Variants in MS4A8 observed in about 807,000 individuals in gnomAD.
MS4A8 encodes membrane spanning 4-domains A8, also known as membrane-spanning 4-domains subfamily A member 8.
Under a neutral mutation model 23.7 loss-of-function variants are expected in MS4A8, and 27 were observed. That is an observed-to-expected ratio of 1.14 (90% confidence interval 0.84 to 1.57). The LOEUF is 1.57. Ranked by LOEUF, MS4A8 falls within the 40% of genes most tolerant of loss-of-function variation. MS4A8 has a pLI of 0.00. For synonymous variants in MS4A8, 138 were observed against 126.3 expected (o/e 1.09, Z -0.62); for missense variants, 301 against 311.4 (o/e 0.97, Z 0.25).
intron 2 of MS4A8, chr11:60,701,646 T>C (rs2088205521): frequency 1.0e-5 from 2 of 192,588 alleles, no homozygotes; most frequent in African/African-American, 2.3e-5. Flanking sequence ...GGAACAAAAA[T>C]TGATACAACC....
In MS4A8 at chr11:60,700,845, T is replaced by C; in HGVS notation, c.-1-15T>C. ...ATATGTGAGGGAAAATTCTCTCGCA[T>C]TTATTTCTTGGCAGCATGAATTCGA... On this transcript the variant is annotated splice_polypyrimidine_tract_variant and intron_variant, in intron 1 of 6. Transcript: ENST00000300226. 3 of 1,613,988 alleles carry C rather than the reference T, an allele frequency of 1.9e-6. No individual in the cohort carries two copies. The highest frequency in any genetic ancestry group is 2.5e-6 in the Non-Finnish European group (3 of 1,179,822).
Position 60,700,982 on chromosome 11 carries a change from C to T in MS4A8, c.122C>T (p.Pro41Leu), listed in dbSNP as rs143047257. Residue 41 changes from proline to leucine, a missense_variant, in exon 2 of 7, where the codon CCG (proline) becomes CTG (leucine). Physicochemically the swap from Pro to Leu is moderately conservative, Grantham distance 98. Transcript: ENST00000300226. ...SHVPLYPNSQ[P>L]QVHLVPGNPP... ...GTGCCCCTGTATCCAAACAGCCAGC[C>T]GCAAGTCCACCTAGTTCCTGGGAAC... The T allele has an allele frequency of 5.3e-5, 86 of 1,614,072 alleles. No homozygotes were observed. In the African/African-American group the frequency reaches 7.2e-4, roughly 14 times the overall value.
At chr11:60,714,146 G>A (rs932250816) in intron 5 of MS4A8, among the ~76,000 whole-genome samples, 5 of 145,988 alleles carry the variant, frequency 3.4e-5, no homozygotes, top group East Asian at 2.0e-4. Context: ...GGATGGTCTC[G>A]ATCTCCTGAC....
intron 5 of MS4A8, chr11:60,709,063 A>T: frequency 2.8e-6 from 1 of 361,052 alleles, no homozygotes. Context: ...ACCAACCAGC[A>T]CCTCTCCTCA....
At chr11:60,710,583 T>A (rs966670298) in intron 5 of MS4A8, among the ~76,000 whole-genome samples, 25 of 152,172 alleles carry the variant, frequency 1.6e-4, no homozygotes, top group African/African-American at 6.0e-4. Context: ...ATCTCTCATC[T>A]AATCATGGAA....
At chr11:60,714,219 C>A (rs866644563) in intron 5 of MS4A8, among the ~76,000 whole-genome samples, 1 of 140,928 alleles carries the variant, frequency 7.1e-6, no homozygotes, top group Non-Finnish European at 1.5e-5. Flanking sequence ...CCACCGCGCC[C>A]GGCCGGTGAT....
intron 5 of MS4A8, among the ~76,000 whole-genome samples, chr11:60,713,024 G>A (rs928832194): frequency 1.6e-4 from 25 of 152,192 alleles, no homozygotes; most frequent in African/African-American, 4.6e-4. Context: ...TATTTCTCCC[G>A]GTTACCTCCT....
At position 60,703,440 on chromosome 11, in the gene MS4A8, CG is replaced by C; in HGVS notation, c.283del (p.Val95Ter). On this transcript the variant is annotated frameshift_variant, in exon 3 of 7. Coordinates refer to ENST00000300226, the MANE Select transcript of MS4A8 (RefSeq NM_031457.2). LOFTEE classifies it high-confidence loss of function. ...TCGGCTCCATCATGGCGACGGTTCT[CG>C]TAGGGGAATACCTGTCTATTTCATT... ...GLGSIMATVL[V>X]GEYLSISFYG... 1 of 1,607,548 alleles carries C rather than the reference CG, an allele frequency of 6.2e-7. No individual in the cohort carries two copies. Among genetic ancestry groups the C allele is most frequent in the Non-Finnish European group, 8.5e-7 (1 of 1,177,332 alleles).
At chr11:60,714,686 C>G (rs1019708218) in intron 5 of MS4A8, among the ~76,000 whole-genome samples, 1 of 152,116 alleles carries the variant, frequency 6.6e-6, no homozygotes, top group Non-Finnish European at 1.5e-5. Context: ...CCAATTCCTA[C>G]CGACGGCCTC....
chr11:60,712,260 T>C (rs1455082357), intron 5 of MS4A8: 3 of 917,496 alleles, frequency 3.3e-6, no homozygotes, highest in Non-Finnish European at 3.9e-6. Flanking sequence ...GGATACCTTT[T>C]TGCTGTTCTG....
At chr11:60,715,248 C>A in intron 6 of MS4A8, 62 bp from the exon 7 acceptor site, 1 of 1,531,860 alleles carries the variant, frequency 6.5e-7, no homozygotes, top group Non-Finnish European at 9.0e-7. Flanking sequence ...CCTCGGTGTC[C>A]GAGGCCTTTG....
At chr11:60,707,538 C>T (rs749402674) in intron 4 of MS4A8, among the ~76,000 whole-genome samples, 1 of 152,204 alleles carries the variant, frequency 6.6e-6, no homozygotes, top group Non-Finnish European at 1.5e-5. Flanking sequence ...GCTTTGTGCT[C>T]CCCTAGCAAC....
chr11:60,702,562 C>T (rs1244243972), intron 2 of MS4A8, among the ~76,000 whole-genome samples: 2 of 152,144 alleles, frequency 1.3e-5, no homozygotes, highest in African/African-American at 2.4e-5. Context: ...ACCATCATGC[C>T]GAGCTAGTTT....
intron 2 of MS4A8, chr11:60,701,450 T>C: frequency 2.6e-6 from 1 of 384,312 alleles, no homozygotes. Flanking sequence ...GAATCAAATA[T>C]TTGCCCAACA....
chr11:60,715,729 G>A lies in MS4A8; in HGVS notation c.*315G>A. ...GTGCTCTGCTGCATGTGAGCTTGTGGGTTAGAGGAACAAATATCTAGACAT... is the reference window on the plus strand; with the variant it reads ...GTGCTCTGCTGCATGTGAGCTTGTGAGTTAGAGGAACAAATATCTAGACAT... On this transcript the variant is annotated 3_prime_UTR_variant, in exon 7 of 7. Coordinates refer to ENST00000300226, the MANE Select transcript of MS4A8 (RefSeq NM_031457.2). The A allele has an allele frequency of 2.9e-6, 1 of 341,898 alleles. No individual in the cohort carries two copies. Among genetic ancestry groups the A allele is most frequent in the Non-Finnish European group, 5.4e-6 (1 of 184,384 alleles). The allele number at this position is 341,898 out of a possible 1,614,324, so 21.2% of individuals were successfully genotyped here.
chr11:60,704,116 CTTTT>C (rs1245958477), intron 3 of MS4A8, among the ~76,000 whole-genome samples: 14 of 126,870 alleles, frequency 1.1e-4, no homozygotes, highest in African/African-American at 3.2e-4. Flanking sequence ...TTTCTTTTTA[CTTTT>C]TTTTTTTTTT....
intron 2 of MS4A8, chr11:60,701,405 T>C (rs2088203794): frequency 2.1e-6 from 1 of 466,712 alleles, no homozygotes; most frequent in Non-Finnish European, 4.1e-6. Flanking sequence ...AAGACCAAAA[T>C]AGACCACAAG....
rs1041115258 is a variant in MS4A8 at position 60,703,249 on chromosome 11, A to AT, written c.220-124dup. 3 of 1,140,168 alleles carry AT rather than the reference A, an allele frequency of 2.6e-6. No individual in the cohort carries two copies. In the African/African-American group the frequency reaches 4.9e-5, roughly 19 times the overall value. The allele number at this position is 1,140,168 out of a possible 1,614,324, so 70.6% of individuals were successfully genotyped here. ...GGAGATTACAGGTAGTTTTTATTTC[A>AT]TTTTTGTATTTCCCATATTACTTTT... On this transcript the variant is annotated intron_variant, in intron 2 of 6. Transcript: ENST00000300226.
At chr11:60,710,105 T>G (rs936469830) in intron 5 of MS4A8, among the ~76,000 whole-genome samples, 2 of 152,218 alleles carry the variant, frequency 1.3e-5, no homozygotes, top group African/African-American at 4.8e-5. Context: ...TGCCCTCTTC[T>G]CTGTCTCCTC....
Sources: gnomAD v4.1 joint callset for allele counts (sites outside exome capture counted in the v4.1 genomes callset) on GRCh38, gnomAD v4.1.1 for gene constraint, MANE v1.5 for transcripts, NCBI Gene and HGNC (gene_info 2026-07-23, HGNC 2026-07-21) for gene names.